Variants in CAP2 observed in about 807,000 individuals in gnomAD.
The protein encoded by CAP2 is adenylyl cyclase-associated protein 2.
A neutral mutation model predicts 57.7 loss-of-function variants in CAP2; 24 were observed. The observed-to-expected ratio is 0.42, with a 90% CI of 0.30 to 0.58. The LOEUF (loss-of-function observed/expected upper bound fraction) is 0.58. CAP2 is among the 20% of genes least tolerant of loss of function. The pLI, the probability that CAP2 is intolerant of heterozygous loss-of-function variation, is 0.22. For missense variants in CAP2, 501 were observed against 590.3 expected (o/e 0.85, Z 1.57); for synonymous variants, 194 against 207.2 (o/e 0.94, Z 0.55).
At chr6:17,421,154 A>G (rs959484652) in intron 1 of CAP2, among the ~76,000 whole-genome samples, 1 of 152,154 alleles carries the variant, frequency 6.6e-6, no homozygotes, top group African/African-American at 2.4e-5. Context: ...ACCAAATATC[A>G]TATGTTCCTC....
chr6:17,543,004 A>T (rs1762944124), intron 10 of CAP2, 44 bp downstream of exon 10: 2 of 1,612,694 alleles, frequency 1.2e-6, no homozygotes. Context: ...ATGTTTTATA[A>T]ACAAGCTGTA....
chr6:17,418,897 G>T (rs1290057833), intron 1 of CAP2, among the ~76,000 whole-genome samples: 1 of 151,998 alleles, frequency 6.6e-6, no homozygotes, highest in East Asian at 1.9e-4. Context: ...CTTCAATTGC[G>T]ATGGAAGCAC....
intron 4 of CAP2, among the ~76,000 whole-genome samples, chr6:17,474,422 A>G (rs1761098321): frequency 6.6e-6 from 1 of 152,108 alleles, no homozygotes; most frequent in South Asian, 2.1e-4. Flanking sequence ...GCCTGTAAGT[A>G]GTTGCTTCAG....
Position 17,426,573 on chromosome 6 carries a change from C to G in CAP2, c.122-17C>G, listed in dbSNP as rs1759596616. The G allele has an allele frequency of 1.9e-6, 3 of 1,589,676 alleles. No homozygotes were observed. The highest frequency in any genetic ancestry group is 3.3e-5 in the Admixed American group (2 of 59,990). On this transcript the variant is annotated splice_polypyrimidine_tract_variant and intron_variant, in intron 2 of 12. Coordinates refer to ENST00000229922, the MANE Select transcript of CAP2 (RefSeq NM_006366.3). ...CATTCAACGGCCAGGGAATAACAAA[C>G]TGCTCCTTTCCCCAAGGTGTGGCAC...
At chr6:17,426,771 G>A in intron 3 of CAP2, 81 bp downstream of exon 3, 1 of 891,208 alleles carries the variant, frequency 1.1e-6, no homozygotes, top group South Asian at 1.4e-5. Flanking sequence ...AGCCTGAGGA[G>A]ATCTTTATTT....
At chr6:17,466,923 C>T (rs774438435) in intron 4 of CAP2, among the ~76,000 whole-genome samples, 2 of 152,034 alleles carry the variant, frequency 1.3e-5, no homozygotes, top group African/African-American at 4.8e-5. Context: ...AGCTTAGTAT[C>T]TAGTAGATGA....
At chr6:17,498,297 G>C (rs1007750368) in intron 4 of CAP2, among the ~76,000 whole-genome samples, 1 of 152,218 alleles carries the variant, frequency 6.6e-6, no homozygotes, top group Non-Finnish European at 1.5e-5. Context: ...AAATCCTAGA[G>C]AAGACTTTGA....
At chr6:17,431,290 C>T (rs921528613) in intron 3 of CAP2, among the ~76,000 whole-genome samples, 5 of 152,098 alleles carry the variant, frequency 3.3e-5, no homozygotes, top group Admixed American at 2.0e-4. Flanking sequence ...ATGTGTACCC[C>T]TGAACCTAAA....
chr6:17,538,875 A>T (rs1366728276), intron 7 of CAP2, among the ~76,000 whole-genome samples: 1 of 152,214 alleles, frequency 6.6e-6, no homozygotes, highest in Non-Finnish European at 1.5e-5. Flanking sequence ...CACAGTTTCC[A>T]GTGTCTCAAA....
chr6:17,477,297 G>A (rs529856278), intron 4 of CAP2, among the ~76,000 whole-genome samples: 2 of 152,344 alleles, frequency 1.3e-5, no homozygotes, highest in South Asian at 2.1e-4. Flanking sequence ...GGCTGCCTGC[G>A]CTGTTACAGC....
At chr6:17,502,673 TAAAC>T (rs1178980106) in intron 4 of CAP2, among the ~76,000 whole-genome samples, 2 of 152,174 alleles carry the variant, frequency 1.3e-5, no homozygotes, top group African/African-American at 2.4e-5. Flanking sequence ...AAGTTAGAGA[TAAAC>T]AAAGATGGCC....
intron 11 of CAP2, among the ~76,000 whole-genome samples, chr6:17,547,176 T>G (rs1202377044): frequency 6.6e-6 from 1 of 152,224 alleles, no homozygotes; most frequent in Non-Finnish European, 1.5e-5. Flanking sequence ...AACCATTTTT[T>G]AAAGTGATCT....
chr6:17,473,177 G>A (rs1267942857), intron 4 of CAP2, among the ~76,000 whole-genome samples: 1 of 152,062 alleles, frequency 6.6e-6, no homozygotes, highest in Non-Finnish European at 1.5e-5. Flanking sequence ...GAGGGGTAAA[G>A]GTTAATAAAG....
chr6:17,433,723 T>C (rs1338615107), intron 3 of CAP2, among the ~76,000 whole-genome samples: 2 of 152,246 alleles, frequency 1.3e-5, no homozygotes, highest in African/African-American at 4.8e-5. Context: ...TGTTACCGTG[T>C]CTTCCCAAGA....
At chr6:17,446,367 A>T (rs9477430) in intron 3 of CAP2, among the ~76,000 whole-genome samples, 79,268 of 152,046 alleles carry the variant, frequency 0.52, 21,109 homozygotes, top group East Asian at 0.84. Flanking sequence ...TCTACTTTAG[A>T]TACCAAACAA....
chr6:17,406,372 ACTTTT>A (rs935439297), intron 1 of CAP2, among the ~76,000 whole-genome samples: 1 of 129,698 alleles, frequency 7.7e-6, no homozygotes, highest in African/African-American at 3.3e-5. Context: ...CTGTTCCCCT[ACTTTT>A]CTGTCAGTAA....
intron 4 of CAP2, among the ~76,000 whole-genome samples, chr6:17,494,747 T>C (rs781596378): frequency 6.6e-6 from 1 of 152,180 alleles, no homozygotes; most frequent in Non-Finnish European, 1.5e-5. Flanking sequence ...TGGTGGAGTA[T>C]TATTCTGGGT....
chr6:17,486,375 G>A (rs375584622), intron 4 of CAP2, among the ~76,000 whole-genome samples: 6 of 152,256 alleles, frequency 3.9e-5, no homozygotes, highest in East Asian at 1.9e-4. Context: ...AGGCTAAGGC[G>A]GGTGGGTAGT....
intron 7 of CAP2, among the ~76,000 whole-genome samples, chr6:17,515,579 C>G (rs980576646): frequency 1.3e-5 from 2 of 152,102 alleles, no homozygotes; most frequent in African/African-American, 2.4e-5. Context: ...ACCCACGTAA[C>G]AAACCTGCAC....
Sources: gnomAD v4.1 joint callset for allele counts (sites outside exome capture counted in the v4.1 genomes callset) on GRCh38, gnomAD v4.1.1 for gene constraint, MANE v1.5 for transcripts, NCBI Gene and HGNC (gene_info 2026-07-23, HGNC 2026-07-21) for gene names.